PHF24: variants seen among roughly 807,000 people sequenced by gnomAD.
The protein encoded by PHF24 is PHD finger protein 24, also known as Galpha inhibitory interacting protein.
A neutral mutation model predicts 42.6 loss-of-function variants in PHF24; 25 were observed. That is an observed-to-expected ratio of 0.59 (90% CI 0.43 to 0.82). The LOEUF is 0.82. Among genes scored for constraint, PHF24 ranks in the 40% least tolerant of loss-of-function variants. The pLI, the probability that PHF24 is intolerant of heterozygous loss-of-function variation, is 0.00. For missense variants in PHF24, 470 were observed against 538.1 expected (o/e 0.87, Z 1.25); for synonymous variants, 185 against 204.8 (o/e 0.90, Z 0.83).
At chr9:34,910,746 A>G in the PHF24 span, among the ~76,000 whole-genome samples, 1 of 152,152 alleles carries the variant, frequency 6.6e-6, no homozygotes, top group Non-Finnish European at 1.5e-5. Context: ...CATGATTCAG[A>G]GTCTCTAACT....
the PHF24 span, chr9:34,918,069 C>T: frequency 6.9e-7 from 1 of 1,450,568 alleles, no homozygotes; most frequent in South Asian, 1.1e-5. Flanking sequence ...CAAGGCCCGA[C>T]ACCTAACTGG....
the PHF24 span, among the ~76,000 whole-genome samples, chr9:34,703,180 AT>A: frequency 5.3e-4 from 80 of 149,694 alleles, no homozygotes; most frequent in African/African-American, 1.5e-3. Context: ...CATAATTTAA[AT>A]TTTTTTTTTT....
chr9:34,763,215 T>C, the PHF24 span, among the ~76,000 whole-genome samples: 1 of 152,324 alleles, frequency 6.6e-6, no homozygotes, highest in South Asian at 2.1e-4. Flanking sequence ...TTTAAAGTAG[T>C]TTTTTCCAAT....
chr9:34,817,482 C>T, the PHF24 span, among the ~76,000 whole-genome samples: 3 of 152,152 alleles, frequency 2.0e-5, no homozygotes, highest in Admixed American at 1.3e-4. Context: ...TGGCCTCAAA[C>T]GATCCTCCTG....
chr9:34,890,071 G>A, the PHF24 span, among the ~76,000 whole-genome samples: 1 of 152,216 alleles, frequency 6.6e-6, no homozygotes, highest in African/African-American at 2.4e-5. Context: ...GGGCTCCGCA[G>A]ATCCAGACAG....
chr9:34,824,101 G>C, the PHF24 span, among the ~76,000 whole-genome samples: 1 of 152,204 alleles, frequency 6.6e-6, no homozygotes, highest in African/African-American at 2.4e-5. Flanking sequence ...TCCAGGGCAG[G>C]AGATGCTCCC....
the PHF24 span, among the ~76,000 whole-genome samples, chr9:34,868,142 G>T: frequency 3.9e-5 from 6 of 152,162 alleles, no homozygotes; most frequent in Non-Finnish European, 7.3e-5. Context: ...CTGACTCACA[G>T]TTCAGGCTCT....
At chr9:34,778,229 C>T in the PHF24 span, among the ~76,000 whole-genome samples, 2 of 152,106 alleles carry the variant, frequency 1.3e-5, no homozygotes, top group Non-Finnish European at 2.9e-5. Flanking sequence ...AGACATGAGA[C>T]ACGTACAAAA....
chr9:34,701,796 G>A, the PHF24 span, among the ~76,000 whole-genome samples: 3 of 152,136 alleles, frequency 2.0e-5, no homozygotes, highest in Non-Finnish European at 2.9e-5. This position sits in a 1 kb window ranked among gnomAD's most constrained non-coding sequence, Gnocchi z 5.8. Flanking sequence ...CTGCGGGGCC[G>A]GCCCAGCCCG....
chr9:34,704,182 G>A, the PHF24 span, among the ~76,000 whole-genome samples: 11 of 150,126 alleles, frequency 7.3e-5, no homozygotes, highest in Non-Finnish European at 1.6e-4. Context: ...CTGTGCCACC[G>A]TGCCTGGCTA....
chr9:34,751,289 C>T, the PHF24 span, among the ~76,000 whole-genome samples: 5 of 152,066 alleles, frequency 3.3e-5, no homozygotes, highest in East Asian at 3.9e-4. Context: ...CACTTGAACA[C>T]AGGAGGTGGA....
chr9:34,727,419 G>A, the PHF24 span, among the ~76,000 whole-genome samples: 1 of 152,202 alleles, frequency 6.6e-6, no homozygotes, highest in African/African-American at 2.4e-5. Flanking sequence ...TAGAAAATGA[G>A]GTCCTTGTGG....
chr9:34,842,086 A>AAG, the PHF24 span, among the ~76,000 whole-genome samples: 1 of 152,236 alleles, frequency 6.6e-6, no homozygotes, highest in Non-Finnish European at 1.5e-5. Flanking sequence ...GTAATCATGC[A>AAG]GTATGTATAC....
At chr9:34,809,178 A>G in the PHF24 span, among the ~76,000 whole-genome samples, 8 of 152,190 alleles carry the variant, frequency 5.3e-5, no homozygotes, top group Admixed American at 5.2e-4. The surrounding 1 kb of genome is among the most constrained non-coding windows in gnomAD (Gnocchi z 4.1). Flanking sequence ...AGATGAGATG[A>G]ATTCTTTTTT....
chr9:34,914,095 G>A, the PHF24 span, among the ~76,000 whole-genome samples: 1 of 151,972 alleles, frequency 6.6e-6, no homozygotes, highest in Non-Finnish European at 1.5e-5. Context: ...ATTACTACTA[G>A]TCTATCTGTT....
the PHF24 span, among the ~76,000 whole-genome samples, chr9:34,752,700 C>T: frequency 6.6e-6 from 1 of 152,254 alleles, no homozygotes; most frequent in African/African-American, 2.4e-5. Context: ...GGCAGTATTA[C>T]CCTGACACCA....
At chr9:34,809,803 C>T in the PHF24 span, among the ~76,000 whole-genome samples, 1 of 152,136 alleles carries the variant, frequency 6.6e-6, no homozygotes, top group African/African-American at 2.4e-5. The surrounding 1 kb of genome is among the most constrained non-coding windows in gnomAD (Gnocchi z 4.1). Context: ...GTCCAGGGCG[C>T]TCGTAGAGGG....
chr9:34,945,539 G>A, the PHF24 span, among the ~76,000 whole-genome samples: 1,381 of 152,276 alleles, frequency 9.1e-3, 11 homozygotes, highest in African/African-American at 0.031. Context: ...GAATTTAATT[G>A]CCATTGTGAC....
At chr9:34,835,531 C>G in the PHF24 span, 1 of 1,551,802 alleles carries the variant, frequency 6.4e-7, no homozygotes, top group Non-Finnish European at 8.7e-7. Context: ...GCAAGGAGAC[C>G]TGGAAATTCA....
Sources: gnomAD v4.1 joint callset for allele counts (sites outside exome capture counted in the v4.1 genomes callset) on GRCh38, gnomAD v4.1.1 for gene constraint, Gnocchi (gnomAD v3.1) non-coding constraint, MANE v1.5 for transcripts, NCBI Gene and HGNC (gene_info 2026-07-23, HGNC 2026-07-21) for gene names.